The following CAMK2D variants were observed in gnomAD, a reference collection of about 807,000 sequenced individuals.
The protein encoded by CAMK2D is calcium/calmodulin-dependent protein kinase type II subunit delta.
Under a neutral mutation model 84.0 loss-of-function variants are expected in CAMK2D, and 37 were observed. The ratio of observed to expected loss-of-function variants is 0.44; its 90% CI spans 0.34 to 0.58. The LOEUF is 0.58. CAMK2D is among the 20% of genes least tolerant of loss of function. The probability of loss-of-function intolerance (pLI) is 0.02; values close to 1 mark genes in which losing one functional copy is unlikely to be tolerated. For missense variants in CAMK2D, 448 were observed against 652.5 expected, an observed-to-expected ratio of 0.69 and a Z score of 3.41; for synonymous variants, 202 against 212.5, an observed-to-expected ratio of 0.95 and a Z score of 0.43.
intron 14 of CAMK2D, chr4:113,503,250 C>T (rs867916478): frequency 3.0e-6 from 2 of 663,006 alleles, no homozygotes; most frequent in Non-Finnish European, 5.7e-6. Context: ...ATTTAGAGAT[C>T]TGAAGAGGCA....
chr4:113,563,336 T>G (rs1353589377), intron 4 of CAMK2D, among the ~76,000 whole-genome samples: 1 of 152,190 alleles, frequency 6.6e-6, no homozygotes, highest in African/African-American at 2.4e-5. Context: ...CTGACAAATG[T>G]TAAGTTACTA....
intron 4 of CAMK2D, among the ~76,000 whole-genome samples, chr4:113,603,773 T>TATATATATATATATATATATA (rs2098964722): frequency 2.3e-5 from 3 of 127,994 alleles, no homozygotes; most frequent in African/African-American, 9.8e-5. Flanking sequence ...TCTTGCTATT[T>TATATATATATATATATATATA]TATATATATA....
intron 4 of CAMK2D, among the ~76,000 whole-genome samples, chr4:113,586,684 C>T (rs1169491553): frequency 1.3e-5 from 2 of 152,126 alleles, no homozygotes; most frequent in Non-Finnish European, 2.9e-5. Context: ...ATAGAACCAG[C>T]TCTCACAAAC....
rs938587387 is a variant in CAMK2D at position 113,483,561 on chromosome 4, A to C, written c.1135+16902T>G. The stretch of plus-strand genomic sequence containing the variant: ...GCTGGGATTACAAGCATGCACCACC[A>C]CACCCGGCTAATTTTCGTGTTTTGA... On this transcript the variant is annotated intron_variant, in intron 16 of 20. Coordinates refer to ENST00000511664, the MANE Select transcript of CAMK2D (RefSeq NM_001321571.2). Among the ~76,000 whole-genome samples the C allele has an allele frequency of 2.0e-5, 3 of 151,846 alleles. No homozygotes were observed. In the South Asian group the frequency reaches 6.2e-4, roughly 32 times the overall value.
At chr4:113,570,177 G>C (rs1425303412) in intron 4 of CAMK2D, among the ~76,000 whole-genome samples, 1 of 152,148 alleles carries the variant, frequency 6.6e-6, no homozygotes, top group Non-Finnish European at 1.5e-5. Context: ...AAGAATTAAT[G>C]TTGTTTAATT....
At chr4:113,537,319 T>C (rs2154187785) in intron 7 of CAMK2D, 22 bp downstream of exon 7, 3 of 1,286,458 alleles carry the variant, frequency 2.3e-6, no homozygotes, top group African/African-American at 1.5e-5. Context: ...ATAGGTAGCA[T>C]GAAGGAGGGG....
At chr4:113,677,599 G>A in intron 2 of CAMK2D, 1 of 937,258 alleles carries the variant, frequency 1.1e-6, no homozygotes, top group Non-Finnish European at 1.3e-6. Flanking sequence ...GTCAAGCGAT[G>A]CAATACCATC....
chr4:113,679,130 T>C (rs766867809), intron 2 of CAMK2D, among the ~76,000 whole-genome samples: 13 of 152,140 alleles, frequency 8.5e-5, no homozygotes, highest in Non-Finnish European at 1.8e-4. Context: ...TCTGGGGTTC[T>C]AGTGCAATAA....
At chr4:113,588,025 A>C (rs1240718995) in intron 4 of CAMK2D, among the ~76,000 whole-genome samples, 1 of 152,170 alleles carries the variant, frequency 6.6e-6, no homozygotes, top group Non-Finnish European at 1.5e-5. Flanking sequence ...AAAGGGTTGA[A>C]TAGTTTTCAG....
chr4:113,493,980 G>A (rs1458203917), intron 16 of CAMK2D, among the ~76,000 whole-genome samples: 3 of 152,112 alleles, frequency 2.0e-5, no homozygotes, highest in African/African-American at 7.2e-5. Flanking sequence ...TTGAGCCTTG[G>A]TTTTCAGCTC....
At chr4:113,556,086 AT>A (rs2098662817) in intron 4 of CAMK2D, among the ~76,000 whole-genome samples, 3 of 152,188 alleles carry the variant, frequency 2.0e-5, no homozygotes, top group Non-Finnish European at 4.4e-5. Flanking sequence ...AAGCTATGGT[AT>A]TCTGTTAAGC....
At chr4:113,725,841 G>T (rs565892416) in intron 2 of CAMK2D, among the ~76,000 whole-genome samples, 132 of 151,980 alleles carry the variant, frequency 8.7e-4, no homozygotes, top group Non-Finnish European at 1.5e-3. Context: ...TAAATTTGGA[G>T]ATATATATAT....
chr4:113,580,560 C>CAA (rs2098803359), intron 4 of CAMK2D, among the ~76,000 whole-genome samples: 2 of 152,264 alleles, frequency 1.3e-5, no homozygotes, highest in African/African-American at 4.8e-5. Context: ...AGCTGTAAAA[C>CAA]ATACATACTT....
chr4:113,590,513 C>T (rs1197360815), intron 4 of CAMK2D, among the ~76,000 whole-genome samples: 1 of 152,036 alleles, frequency 6.6e-6, no homozygotes, highest in Non-Finnish European at 1.5e-5. Context: ...AGTCAATTTC[C>T]TATGCATAAA....
chr4:113,722,726 T>C (rs1338687480), intron 2 of CAMK2D, among the ~76,000 whole-genome samples: 1 of 152,140 alleles, frequency 6.6e-6, no homozygotes, highest in Non-Finnish European at 1.5e-5. Flanking sequence ...AGAACCCAGC[T>C]TTCCCTCTGC....
intron 6 of CAMK2D, among the ~76,000 whole-genome samples, chr4:113,544,978 C>T (rs2098556154): frequency 6.6e-6 from 1 of 152,132 alleles, no homozygotes; most frequent in South Asian, 2.1e-4. Flanking sequence ...CTCATAATTT[C>T]CCACTGTCTA....
chr4:113,553,685 T>C (rs770364453), intron 4 of CAMK2D, among the ~76,000 whole-genome samples: 15 of 152,204 alleles, frequency 9.9e-5, no homozygotes, highest in Non-Finnish European at 1.8e-4. Flanking sequence ...TTTTCACATA[T>C]AAAATGTTTA....
intron 16 of CAMK2D, among the ~76,000 whole-genome samples, chr4:113,499,393 A>G (rs962922708): frequency 6.6e-6 from 1 of 152,216 alleles, no homozygotes; most frequent in Admixed American, 6.5e-5. Context: ...CAGCTGTTCT[A>G]TTCAAACAAA....
At chr4:113,565,920 G>A (rs1314011701) in intron 4 of CAMK2D, among the ~76,000 whole-genome samples, 1 of 152,146 alleles carries the variant, frequency 6.6e-6, no homozygotes, top group East Asian at 1.9e-4. Context: ...TCAGAGTTTA[G>A]ATGCACTTTT....
Sources: allele counts gnomAD v4.1 joint callset (sites outside exome capture counted in the v4.1 genomes callset), GRCh38; gene constraint gnomAD v4.1.1; transcripts MANE v1.5; gene names NCBI Gene and HGNC (gene_info 2026-07-23, HGNC 2026-07-21).